PSME4: variants seen among roughly 807,000 people sequenced by gnomAD.
The protein encoded by PSME4 is proteasome activator subunit 4, also known as proteasome activator complex subunit 4.
In PSME4, 89 loss-of-function variants were observed where a neutral mutation model predicts 253.9. The observed-to-expected ratio is 0.35, with a 90% confidence interval of 0.30 to 0.42. PSME4 has a LOEUF of 0.42. Among genes scored for constraint, PSME4 ranks in the 10% least tolerant of loss-of-function variants. The pLI, the probability that PSME4 is intolerant of heterozygous loss-of-function variation, is 1.00. For missense variants in PSME4, 2,014 were observed against 2,195.2 expected, an observed-to-expected ratio of 0.92 and a Z score of 1.65; for synonymous variants, 851 against 759.2, an observed-to-expected ratio of 1.12 and a Z score of -1.99.
chr2:53,965,198 G>A (rs1340237704), intron 1 of PSME4, among the ~76,000 whole-genome samples: 1 of 151,286 alleles, frequency 6.6e-6, no homozygotes, highest in East Asian at 1.9e-4. Context: ...CTTTCCTCCA[G>A]ACCAGTTTAC....
chr2:53,876,786 A>G (rs1441238542), intron 41 of PSME4, among the ~76,000 whole-genome samples: 5 of 136,540 alleles, frequency 3.7e-5, no homozygotes, highest in South Asian at 4.9e-4. Flanking sequence ...TGGCACAACC[A>G]TGGCTCACTG....
At chr2:53,928,991 C>A (rs1668694137) in intron 10 of PSME4, among the ~76,000 whole-genome samples, 1 of 152,074 alleles carries the variant, frequency 6.6e-6, no homozygotes, top group Admixed American at 6.6e-5. Context: ...CATGGTGAAA[C>A]CCTGCCTCTA....
chr2:53,962,496 G>C (rs1325277869), intron 1 of PSME4, among the ~76,000 whole-genome samples: 1 of 151,722 alleles, frequency 6.6e-6, no homozygotes, highest in African/African-American at 2.4e-5. Flanking sequence ...AAGAACACTT[G>C]GGAAAACCAT....
chr2:53,888,033 C>T, intron 38 of PSME4, 44 bp from the exon 39 acceptor site: 4 of 1,563,778 alleles, frequency 2.6e-6, no homozygotes, highest in Non-Finnish European at 3.5e-6. Flanking sequence ...GCCCTTTCTG[C>T]CTTTACATAT....
rs1245341268 is a variant in PSME4, at chr2:53,940,934, T to TATTTAA, written c.501-935_501-934insTTAAAT. Among the ~76,000 whole-genome samples the TATTTAA allele has an allele frequency of 8.3e-4, 43 of 51,770 alleles. 2 individuals are homozygous for TATTTAA. In the East Asian group the frequency reaches 0.01, roughly 12 times the overall value. The allele number at this position is 51,770 out of a possible 152,430, so 34.0% of individuals were successfully genotyped here. A position where few individuals can be genotyped will look rare whatever the true frequency, so the allele number is the denominator to read the frequency against. ...CATATTTAAATATATATATAATACA[T>TATTTAA]ATATAAATATATATATACATATATA... On this transcript the variant is annotated intron_variant, in intron 3 of 46. Coordinates refer to ENST00000404125, the MANE Select transcript of PSME4 (RefSeq NM_014614.3).
Position 53,936,827 on chromosome 2 carries a change from T to C in PSME4, c.696A>G (p.Lys232=). ...GGCCAATTAATTCATCAAACCAAAG[T>C]CTAAAGAAGAAAAATGTTGTTATGA... ...LPPELHHKGF[K]LWFDELIGLW... Residue 232 remains lysine (K), a splice_region_variant and synonymous_variant, in exon 6 of 47, where the codon AAA becomes AAG. Transcript: ENST00000404125. The C allele has an allele frequency of 6.3e-7, 1 of 1,586,998 alleles. No individual in the cohort carries two copies. The highest frequency in any genetic ancestry group is 8.6e-7 in the Non-Finnish European group (1 of 1,166,864).
chr2:53,932,162 T>C, intron 9 of PSME4, 62 bp from the exon 10 acceptor site: 2 of 1,466,866 alleles, frequency 1.4e-6, no homozygotes, highest in Non-Finnish European at 1.9e-6. Flanking sequence ...ACATTCATGG[T>C]TGCTCTCTAG....
Position 53,897,916 on chromosome 2 carries a change from C to A in PSME4, c.3560G>T (p.Arg1187Leu), listed in dbSNP as rs983284639. 6.2e-7 allele frequency: 1 copy of A among 1,613,382 alleles called. No homozygotes were observed. Among genetic ancestry groups the A allele is most frequent in the African/African-American group, 1.3e-5 (1 of 74,852 alleles). ...ATGGTTGAGATTCTCAACAAAAAACCGTATGGCACGAAGAGGCAACACTCG... is the reference window on the plus strand; with the variant it reads ...ATGGTTGAGATTCTCAACAAAAAACAGTATGGCACGAAGAGGCAACACTCG... ...DDRVLPLRAIRFFVENLNHDA... is the reference protein window; with the variant it reads ...DDRVLPLRAILFFVENLNHDA... Residue 1187 changes from arginine to leucine, a missense_variant, in exon 31 of 47, where the codon CGG becomes CTG. By Grantham distance (102) the Arg-to-Leu change is moderately radical. This residue lies in a region of PSME4 where 989 missense variants were observed against 1,021.1 expected (regional missense o/e 0.97). Coordinates refer to ENST00000404125, the MANE Select transcript of PSME4 (RefSeq NM_014614.3).
intron 41 of PSME4, among the ~76,000 whole-genome samples, chr2:53,883,165 T>C (rs1015020598): frequency 7.2e-5 from 11 of 152,216 alleles, no homozygotes; most frequent in African/African-American, 2.7e-4. Context: ...CTTACACTGT[T>C]ACTGAAATTT....
chr2:53,932,835 A>G (rs1275168139), intron 8 of PSME4, 75 bp from the exon 9 acceptor site: 7 of 1,124,996 alleles, frequency 6.2e-6, no homozygotes, highest in Non-Finnish European at 9.5e-6. Context: ...GCCCAAGCCT[A>G]TACGTAAATC....
intron 31 of PSME4, among the ~76,000 whole-genome samples, chr2:53,897,590 C>A (rs1353299754): frequency 8.5e-5 from 13 of 152,162 alleles, no homozygotes; most frequent in African/African-American, 3.1e-4. Context: ...TCTTGCCCCT[C>A]CTGAAACACA....
At chr2:53,936,982 G>GT (rs1323680807) in intron 5 of PSME4, among the ~76,000 whole-genome samples, 155 bp from the exon 6 acceptor site, 1 of 152,108 alleles carries the variant, frequency 6.6e-6, no homozygotes, top group Non-Finnish European at 1.5e-5. Flanking sequence ...AAACAAAGGG[G>GT]TATTTCTTGT....
intron 41 of PSME4, chr2:53,881,647 G>A (rs1313813943): frequency 1.3e-5 from 2 of 151,522 alleles, no homozygotes; most frequent in Admixed American, 6.6e-5. Flanking sequence ...GCACAGTGGC[G>A]AGATCTGGCT....
intron 1 of PSME4, among the ~76,000 whole-genome samples, chr2:53,951,104 A>G (rs1331584930): frequency 6.6e-6 from 1 of 152,030 alleles, no homozygotes; most frequent in East Asian, 1.9e-4. Flanking sequence ...TCCCCCCAAG[A>G]CACAGTCTTG....
At chr2:53,940,969 A>T (rs1310266919) in intron 3 of PSME4, among the ~76,000 whole-genome samples, 3,430 of 69,188 alleles carry the variant, frequency 0.05, 353 homozygotes, top group African/African-American at 0.093. Context: ...ATATATATAT[A>T]TATATATATA....
chr2:53,939,207 G>C (rs1214313565), intron 4 of PSME4, among the ~76,000 whole-genome samples: 5 of 152,018 alleles, frequency 3.3e-5, no homozygotes, highest in Non-Finnish European at 7.4e-5. Flanking sequence ...ATAAATATCC[G>C]ATTTATTAAA....
chr2:53,927,274 T>C (rs1054298105), intron 12 of PSME4, 120 bp downstream of exon 12: 12 of 730,374 alleles, frequency 1.6e-5, no homozygotes, highest in East Asian at 2.5e-5. Flanking sequence ...ATATGTACCA[T>C]TCTAGTCACA....
intron 38 of PSME4, 53 bp downstream of exon 38, chr2:53,888,668 A>C: frequency 8.0e-7 from 1 of 1,249,802 alleles, no homozygotes; most frequent in Admixed American, 1.7e-5. Context: ...TTTATACATA[A>C]GTTAACACAA....
intron 44 of PSME4, 154 bp downstream of exon 44, chr2:53,869,222 A>T: frequency 1.5e-6 from 1 of 670,196 alleles, no homozygotes; most frequent in Non-Finnish European, 2.3e-6. Flanking sequence ...CCTGCTTTCT[A>T]TATGCAAAAC....
Sources: allele counts gnomAD v4.1 joint callset (sites outside exome capture counted in the v4.1 genomes callset), GRCh38; gene constraint gnomAD v4.1.1; regional missense constraint gnomAD v4.1.1; transcripts MANE v1.5; gene names NCBI Gene and HGNC (gene_info 2026-07-23, HGNC 2026-07-21).